The following PRKCB variants were observed in gnomAD, a reference collection of about 807,000 sequenced individuals.
PRKCB encodes protein kinase C beta.
A neutral mutation model predicts 81.5 loss-of-function variants in PRKCB; 13 were observed. The observed-to-expected ratio is 0.16, with a 90% confidence interval of 0.10 to 0.25. PRKCB has a LOEUF of 0.25. Ranked by LOEUF, PRKCB falls within the 10% of genes least tolerant of loss-of-function variation. The pLI is 1.00. For synonymous variants in PRKCB, 335 were observed against 321.4 expected (o/e 1.04, Z -0.45); for missense variants, 509 against 875.7 (o/e 0.58, Z 5.29).
chr16:24,110,815 G>A (rs1966667329), intron 7 of PRKCB, among the ~76,000 whole-genome samples: 1 of 151,924 alleles, frequency 6.6e-6, no homozygotes, highest in Non-Finnish European at 1.5e-5. Context: ...CCACCACGAC[G>A]ACCTGTTTAT....
chr16:23,969,953 C>T (rs1418814396), intron 2 of PRKCB, among the ~76,000 whole-genome samples: 2 of 152,174 alleles, frequency 1.3e-5, no homozygotes, highest in Non-Finnish European at 2.9e-5. Flanking sequence ...TGCCTGTCAT[C>T]CCACTACAGG....
At chr16:24,076,385 G>A (rs911254882) in intron 5 of PRKCB, among the ~76,000 whole-genome samples, 12 of 151,986 alleles carry the variant, frequency 7.9e-5, no homozygotes, top group African/African-American at 2.9e-4. Context: ...GGTGAATCAT[G>A]GAGCAAAAAG....
At chr16:24,188,799 G>C (rs1428889021) in intron 15 of PRKCB, among the ~76,000 whole-genome samples, 1 of 152,188 alleles carries the variant, frequency 6.6e-6, no homozygotes, top group Non-Finnish European at 1.5e-5. Context: ...ACCTTAGGCA[G>C]ATGACTTTAC....
chr16:24,073,634 C>T (rs1374736046), intron 5 of PRKCB, among the ~76,000 whole-genome samples: 1 of 152,166 alleles, frequency 6.6e-6, no homozygotes, highest in African/African-American at 2.4e-5. Flanking sequence ...TGCGCCTGGC[C>T]GGTTTTTTAA....
intron 2 of PRKCB, among the ~76,000 whole-genome samples, chr16:23,909,643 C>T (rs1325142700): frequency 6.6e-6 from 1 of 152,134 alleles, no homozygotes; most frequent in Non-Finnish European, 1.5e-5. Flanking sequence ...CACTATCATT[C>T]CACACTCTAT....
chr16:24,166,181 C>G (rs1215744163), intron 10 of PRKCB, among the ~76,000 whole-genome samples: 1 of 151,920 alleles, frequency 6.6e-6, no homozygotes, highest in Non-Finnish European at 1.5e-5. Context: ...TGCACCCGGT[C>G]CAGATATGTA....
Position 24,163,419 on chromosome 16 carries a change from C to A in PRKCB, c.1239+8562C>A, listed in dbSNP as rs150746982. 2.8e-3 allele frequency among the ~76,000 whole-genome samples: 427 copies of A among 152,246 alleles called. 1 individual carries two copies. Among genetic ancestry groups the A allele is most frequent in the Non-Finnish European group, 4.2e-3 (286 of 68,020 alleles). On this transcript the variant is annotated intron_variant, in intron 10 of 16. Coordinates refer to ENST00000643927, the MANE Select transcript of PRKCB (RefSeq NM_002738.7). ...TACAGGAAATGAATCAGAAATGCAA[C>A]CCAGGCAAATAGAGCTGGGGCAGGT...
intron 7 of PRKCB, among the ~76,000 whole-genome samples, chr16:24,100,272 G>C (rs905252082): frequency 4.6e-5 from 7 of 151,812 alleles, no homozygotes; most frequent in African/African-American, 7.3e-5. Context: ...GGCCGAGGAG[G>C]GGGTCTGTTC....
At chr16:24,182,189 C>CT (rs1967637089) in intron 13 of PRKCB, among the ~76,000 whole-genome samples, 1 of 152,062 alleles carries the variant, frequency 6.6e-6, no homozygotes, top group African/African-American at 2.4e-5. Flanking sequence ...GTTCTCAACT[C>CT]TAACTGCAGT....
At chr16:23,875,398 G>A (rs1962977986) in intron 2 of PRKCB, among the ~76,000 whole-genome samples, 1 of 151,870 alleles carries the variant, frequency 6.6e-6, no homozygotes, top group African/African-American at 2.4e-5. Flanking sequence ...GGAAGACCCA[G>A]GGACCCTTTT....
chr16:23,919,896 A>G (rs1486815797), intron 2 of PRKCB, among the ~76,000 whole-genome samples: 1 of 151,950 alleles, frequency 6.6e-6, no homozygotes. Flanking sequence ...TTATCCATTC[A>G]TTTGTCAATG....
chr16:23,851,867 A>G (rs1424810127), intron 2 of PRKCB, among the ~76,000 whole-genome samples: 1 of 151,666 alleles, frequency 6.6e-6, no homozygotes, highest in Non-Finnish European at 1.5e-5. Flanking sequence ...TGTTTTCTTA[A>G]TTTTCTGGTC....
chr16:23,840,031 G>A (rs1249641562), intron 2 of PRKCB, among the ~76,000 whole-genome samples: 3 of 152,124 alleles, frequency 2.0e-5, no homozygotes, highest in Non-Finnish European at 4.4e-5. Flanking sequence ...TTCCATTTGG[G>A]CAGCAGTAGG....
chr16:24,049,856 C>T (rs995348217), intron 5 of PRKCB, among the ~76,000 whole-genome samples: 2 of 152,264 alleles, frequency 1.3e-5, no homozygotes, highest in East Asian at 3.9e-4. Flanking sequence ...GCCTGTGTAT[C>T]GCTCAGGGAA....
At chr16:23,898,211 G>A (rs946893216) in intron 2 of PRKCB, among the ~76,000 whole-genome samples, 2 of 151,924 alleles carry the variant, frequency 1.3e-5, no homozygotes, top group African/African-American at 2.4e-5. Context: ...AACTACAGGC[G>A]CCCACCACCA....
intron 2 of PRKCB, among the ~76,000 whole-genome samples, chr16:23,981,822 C>G (rs1252174861): frequency 1.2e-4 from 1 of 8,274 alleles, no homozygotes; most frequent in East Asian, 3.6e-3. Flanking sequence ...TTCCCTTCCC[C>G]TTCCCCTTCC....
At chr16:24,174,605 C>A in intron 12 of PRKCB, 25 bp downstream of exon 12, 1 of 1,578,944 alleles carries the variant, frequency 6.3e-7, no homozygotes, top group South Asian at 1.1e-5. Context: ...CTGTACTTTC[C>A]ATCTCTTCAT....
intron 2 of PRKCB, among the ~76,000 whole-genome samples, chr16:23,950,657 AG>A (rs1964268627): frequency 6.6e-6 from 1 of 152,218 alleles, no homozygotes. Flanking sequence ...ATTATTGGGT[AG>A]AACAGAGGGG....
intron 5 of PRKCB, among the ~76,000 whole-genome samples, chr16:24,084,370 C>T (rs1277992945): frequency 6.6e-6 from 1 of 151,992 alleles, no homozygotes; most frequent in Non-Finnish European, 1.5e-5. Flanking sequence ...AATCATGAAC[C>T]TAGGGCCAAA....
Sources: gnomAD v4.1 joint callset for allele counts (sites outside exome capture counted in the v4.1 genomes callset) on GRCh38, gnomAD v4.1.1 for gene constraint, MANE v1.5 for transcripts, NCBI Gene and HGNC (gene_info 2026-07-23, HGNC 2026-07-21) for gene names.